XPR1: variants seen among roughly 807,000 people sequenced by gnomAD.
The protein encoded by XPR1 is solute carrier family 53 member 1.
Under a neutral mutation model 87.5 loss-of-function variants are expected in XPR1, and 28 were observed. The ratio of observed to expected loss-of-function variants is 0.32; its 90% CI spans 0.24 to 0.44. XPR1 has a LOEUF of 0.44. Among genes scored for constraint, XPR1 ranks in the 20% least tolerant of loss-of-function variants. The pLI, the probability that XPR1 is intolerant of heterozygous loss-of-function variation, is 1.00. For missense variants in XPR1, 559 were observed against 862.3 expected (o/e 0.65, Z 4.41); for synonymous variants, 300 against 306.1 (o/e 0.98, Z 0.21).
At chr1:180,730,252 T>G (rs1031312258) in intron 2 of XPR1, among the ~76,000 whole-genome samples, 7 of 152,222 alleles carry the variant, frequency 4.6e-5, no homozygotes, top group Admixed American at 4.6e-4. Context: ...TCTCTGTGTC[T>G]GCTTTTGTAC....
intron 2 of XPR1, among the ~76,000 whole-genome samples, chr1:180,768,996 G>A (rs1442774114): frequency 6.6e-6 from 1 of 152,104 alleles, no homozygotes. Flanking sequence ...GGTGCTCCCA[G>A]CAGTGCAATG....
chr1:180,644,748 G>A (rs73047699), intron 1 of XPR1, among the ~76,000 whole-genome samples: 6,497 of 152,080 alleles, frequency 0.043, 494 homozygotes, highest in African/African-American at 0.15. Flanking sequence ...ATACCAGGGG[G>A]AGGGGGAGTG....
intron 2 of XPR1, among the ~76,000 whole-genome samples, chr1:180,687,831 C>T (rs1656838039): frequency 6.6e-6 from 1 of 151,304 alleles, no homozygotes; most frequent in Admixed American, 6.6e-5. Flanking sequence ...TATTCCTTAT[C>T]AATATATATG....
chr1:180,702,946 CTT>C (rs1030342629), intron 2 of XPR1, among the ~76,000 whole-genome samples: 1 of 152,102 alleles, frequency 6.6e-6, no homozygotes, highest in African/African-American at 2.4e-5. Context: ...TAGAGAAAGA[CTT>C]TTTCCTGTAG....
intron 2 of XPR1, among the ~76,000 whole-genome samples, chr1:180,729,979 A>T (rs1464011981): frequency 6.6e-6 from 1 of 152,186 alleles, no homozygotes; most frequent in South Asian, 2.1e-4. Context: ...CTATGTCCAG[A>T]ATGGTATTTC....
chr1:180,695,387 T>G (rs534745528), intron 2 of XPR1, among the ~76,000 whole-genome samples: 26 of 151,598 alleles, frequency 1.7e-4, no homozygotes, highest in African/African-American at 6.1e-4. Context: ...GCAGAAGCCT[T>G]TTAGTTTAAT....
At chr1:180,694,596 T>A (rs1657098906) in intron 2 of XPR1, among the ~76,000 whole-genome samples, 1 of 152,192 alleles carries the variant, frequency 6.6e-6, no homozygotes, top group African/African-American at 2.4e-5. Context: ...AAATCTCTTT[T>A]TAGTACACTG....
chr1:180,675,843 T>A (rs906738918), intron 1 of XPR1, among the ~76,000 whole-genome samples: 2 of 152,154 alleles, frequency 1.3e-5, no homozygotes, highest in Non-Finnish European at 2.9e-5. Flanking sequence ...AGGGTTTGTT[T>A]CCTCCCTTGT....
At chr1:180,647,344 T>A (rs1037925752) in intron 1 of XPR1, among the ~76,000 whole-genome samples, 1 of 152,222 alleles carries the variant, frequency 6.6e-6, no homozygotes, top group Admixed American at 6.5e-5. Context: ...ATAAAAATTG[T>A]GCTTTAACAT....
intron 1 of XPR1, among the ~76,000 whole-genome samples, chr1:180,680,768 T>C (rs761796734): frequency 6.6e-6 from 1 of 152,140 alleles, no homozygotes; most frequent in Non-Finnish European, 1.5e-5. Context: ...CCTATGCTTA[T>C]TGCAACACTA....
chr1:180,777,872 A>G (rs538823465), intron 2 of XPR1, among the ~76,000 whole-genome samples: 2 of 152,366 alleles, frequency 1.3e-5, no homozygotes, highest in African/African-American at 4.8e-5. Flanking sequence ...AATCATAGAA[A>G]CTATTGTGTA....
At chr1:180,826,355 G>A (rs943330863) in intron 9 of XPR1, among the ~76,000 whole-genome samples, 2 of 152,130 alleles carry the variant, frequency 1.3e-5, no homozygotes, top group South Asian at 4.1e-4. Flanking sequence ...TTTCAGACCA[G>A]CCTGGGCAAC....
chr1:180,762,006 C>A (rs1019485124), intron 2 of XPR1, among the ~76,000 whole-genome samples: 1 of 151,308 alleles, frequency 6.6e-6, no homozygotes, highest in Admixed American at 6.6e-5. Context: ...TCATTCTCAG[C>A]AAACTATCGC....
Position 180,728,014 on chromosome 1 carries a change from G to A in XPR1, c.121+45603G>A, listed in dbSNP as rs529118189. Among the ~76,000 whole-genome samples, 3 of 152,218 alleles carry A rather than the reference G, an allele frequency of 2.0e-5. No homozygotes were observed. The South Asian group carries it at 6.2e-4, about 32-fold the overall frequency. On this transcript the variant is annotated intron_variant, in intron 2 of 14. Transcript: ENST00000367590. ...ACCTCCTATCTTATCCTGTGACTTA[G>A]AATGCTTAACCATCTGGGAATGCAG... is the stretch of plus-strand genomic sequence containing the variant.
chr1:180,876,645 A>AAG (rs201953319), intron 13 of XPR1, among the ~76,000 whole-genome samples: 3,077 of 152,172 alleles, frequency 0.02, 98 homozygotes, highest in African/African-American at 0.071. Flanking sequence ...CAAAAAAAAA[A>AAG]AAAGAAAGAA....
chr1:180,828,559 C>T (rs189196654), intron 9 of XPR1, among the ~76,000 whole-genome samples: 1 of 151,976 alleles, frequency 6.6e-6, no homozygotes, highest in East Asian at 1.9e-4. Flanking sequence ...CAGTTTTTAC[C>T]AACAGTCTCT....
intron 6 of XPR1, among the ~76,000 whole-genome samples, chr1:180,809,938 C>CTT (rs1169773438): frequency 6.6e-6 from 1 of 152,046 alleles, no homozygotes; most frequent in Non-Finnish European, 1.5e-5. Context: ...ATCTGTTACT[C>CTT]TATTAAGTAA....
chr1:180,845,764 A>ATTGCAGG (rs58188056), intron 11 of XPR1, among the ~76,000 whole-genome samples: 151,770 of 152,366 alleles, frequency 1, 75,594 homozygotes, highest in Middle Eastern at 1. Flanking sequence ...TCCAAAGCTG[A>ATTGCAGG]CCTGAGCCTG....
chr1:180,851,754 T>C (rs1651876134), intron 11 of XPR1, among the ~76,000 whole-genome samples: 1 of 152,116 alleles, frequency 6.6e-6, no homozygotes, highest in Non-Finnish European at 1.5e-5. Flanking sequence ...GGGTATCTGA[T>C]ACAGCAGAAG....
Sources: gnomAD v4.1 joint callset for allele counts (sites outside exome capture counted in the v4.1 genomes callset) on GRCh38, gnomAD v4.1.1 for gene constraint, MANE v1.5 for transcripts, NCBI Gene and HGNC (gene_info 2026-07-23, HGNC 2026-07-21) for gene names.